The following SORCS2 variants were observed in gnomAD, a reference collection of about 807,000 sequenced individuals.
SORCS2 encodes the protein sortilin related VPS10 domain containing receptor 2.
Under a neutral mutation model 141.6 loss-of-function variants are expected in SORCS2, and 100 were observed. The ratio of observed to expected loss-of-function variants is 0.71; its 90% confidence interval spans 0.60 to 0.83. SORCS2 has a LOEUF of 0.83. Among genes scored for constraint, SORCS2 ranks in the 40% least tolerant of loss-of-function variants. SORCS2 has a pLI of 0.00. For missense variants in SORCS2, 1,646 were observed against 1,560.2 expected, an observed-to-expected ratio of 1.05 and a Z score of -0.93; for synonymous variants, 789 against 676.9, an observed-to-expected ratio of 1.17 and a Z score of -2.57.
At chr4:7,304,494 C>T (rs1431721624) in intron 1 of SORCS2, among the ~76,000 whole-genome samples, 2 of 152,230 alleles carry the variant, frequency 1.3e-5, no homozygotes, top group African/African-American at 4.8e-5. Flanking sequence ...CCCGTCCATC[C>T]AGTGTGTTTG....
At chr4:7,601,872 C>G (rs1683782166) in intron 3 of SORCS2, among the ~76,000 whole-genome samples, 1 of 152,112 alleles carries the variant, frequency 6.6e-6, no homozygotes, top group African/African-American at 2.4e-5. Flanking sequence ...GGTGATGACT[C>G]TTAACGAGCA....
At chr4:7,357,471 C>T (rs1057086733) in intron 1 of SORCS2, among the ~76,000 whole-genome samples, 10 of 152,302 alleles carry the variant, frequency 6.6e-5, no homozygotes, top group African/African-American at 2.2e-4. Flanking sequence ...TGCTGGAGCT[C>T]TGGAGATGGA....
Position 7,520,734 on chromosome 4 carries a change from C to T in SORCS2, c.549-10796C>T, listed in dbSNP as rs751955566. 3.2e-4 allele frequency among the ~76,000 whole-genome samples: 49 copies of T among 152,238 alleles called. 1 individual carries two copies. Among genetic ancestry groups the T allele is most frequent in the Non-Finnish European group, 5.4e-4 (37 of 68,032 alleles). On this transcript the variant is annotated intron_variant, in intron 2 of 26. Coordinates refer to ENST00000507866, the MANE Select transcript of SORCS2 (RefSeq NM_020777.3). The stretch of plus-strand genomic sequence containing the variant: ...TGCCTCTGTTGCCGCCAGCCCTCTC[C>T]GCCCACAGGGCACACTGCCAGGGCT...
chr4:7,488,102 G>T (rs10937826), intron 2 of SORCS2, among the ~76,000 whole-genome samples: 77,004 of 151,992 alleles, frequency 0.51, 19,546 homozygotes, highest in African/African-American at 0.55. Context: ...GGAGAGGTTC[G>T]GAAATTAAGG....
At chr4:7,652,280 C>T (rs1054903326) in intron 4 of SORCS2, among the ~76,000 whole-genome samples, 4 of 152,188 alleles carry the variant, frequency 2.6e-5, no homozygotes, top group African/African-American at 7.2e-5. Flanking sequence ...AGGGGAGCGG[C>T]TCTGGGCCTT....
chr4:7,649,312 A>C (rs1721282408), intron 4 of SORCS2, among the ~76,000 whole-genome samples: 1 of 110,330 alleles, frequency 9.1e-6, no homozygotes, highest in Non-Finnish European at 2.0e-5. Context: ...GGGGGCATGC[A>C]GGGAGTGAGC....
intron 1 of SORCS2, among the ~76,000 whole-genome samples, chr4:7,360,856 A>G (rs1392703122): frequency 6.6e-6 from 1 of 151,526 alleles, no homozygotes; most frequent in Non-Finnish European, 1.5e-5. Flanking sequence ...AAGTGCTGGG[A>G]TTACAGCCAC....
intron 1 of SORCS2, among the ~76,000 whole-genome samples, chr4:7,332,905 T>C (rs566749225): frequency 1.3e-5 from 2 of 152,332 alleles, no homozygotes; most frequent in South Asian, 2.1e-4. Context: ...TTACCAGATG[T>C]GGCCTTGGAC....
intron 1 of SORCS2, among the ~76,000 whole-genome samples, chr4:7,393,793 T>C (rs984700583): frequency 6.6e-6 from 1 of 152,218 alleles, no homozygotes; most frequent in Non-Finnish European, 1.5e-5. Context: ...ATTTCACGTT[T>C]GCTACTGAAT....
chr4:7,237,931 A>G (rs562645440), intron 1 of SORCS2, among the ~76,000 whole-genome samples: 1 of 152,254 alleles, frequency 6.6e-6, no homozygotes, highest in South Asian at 2.1e-4. Flanking sequence ...CTTCTAAATT[A>G]GAGAACTATC....
intron 2 of SORCS2, among the ~76,000 whole-genome samples, chr4:7,421,542 C>T (rs185691778): frequency 5.3e-5 from 8 of 152,296 alleles, no homozygotes; most frequent in African/African-American, 9.6e-5. Context: ...TCGTCATCGT[C>T]GTTCATGGTC....
At chr4:7,266,218 G>A (rs979914911) in intron 1 of SORCS2, among the ~76,000 whole-genome samples, 3 of 152,204 alleles carry the variant, frequency 2.0e-5, no homozygotes, top group African/African-American at 7.2e-5. Context: ...GGGCTGTGCA[G>A]GCCAGCGGGT....
At chr4:7,421,095 G>A (rs375660757) in intron 2 of SORCS2, among the ~76,000 whole-genome samples, 3 of 152,114 alleles carry the variant, frequency 2.0e-5, no homozygotes, top group African/African-American at 4.8e-5. Flanking sequence ...GGGCTGTTTC[G>A]CTCCATCCCT....
chr4:7,456,194 T>C (rs1043725857), intron 2 of SORCS2, among the ~76,000 whole-genome samples: 1 of 152,202 alleles, frequency 6.6e-6, no homozygotes, highest in African/African-American at 2.4e-5. Context: ...CCTTAGTTAC[T>C]TTAAATGTCC....
At chr4:7,217,284 C>T (rs558887096) in intron 1 of SORCS2, among the ~76,000 whole-genome samples, 263 of 152,346 alleles carry the variant, frequency 1.7e-3, no homozygotes, top group African/African-American at 6.0e-3. Flanking sequence ...GAGGACCCCG[C>T]AGCTTGCTGG....
At chr4:7,360,485 C>A (rs986033877) in intron 1 of SORCS2, among the ~76,000 whole-genome samples, 1 of 150,360 alleles carries the variant, frequency 6.7e-6, no homozygotes, top group African/African-American at 2.4e-5. Context: ...GAGGCTGTGG[C>A]TCTTGCTGCT....
intron 1 of SORCS2, among the ~76,000 whole-genome samples, chr4:7,343,324 G>T (rs1472042827): frequency 6.6e-6 from 1 of 152,214 alleles, no homozygotes; most frequent in Non-Finnish European, 1.5e-5. Flanking sequence ...GCTGGGTTTG[G>T]GTTCAGCTTC....
intron 3 of SORCS2, among the ~76,000 whole-genome samples, chr4:7,582,483 G>C (rs1716222911): frequency 6.6e-6 from 1 of 152,122 alleles, no homozygotes; most frequent in Admixed American, 6.6e-5. Flanking sequence ...CCGGAAAGGC[G>C]GCCGCCCCCT....
At chr4:7,381,259 G>A (rs1722979211) in intron 1 of SORCS2, among the ~76,000 whole-genome samples, 2 of 152,226 alleles carry the variant, frequency 1.3e-5, no homozygotes, top group Non-Finnish European at 1.5e-5. Context: ...TGGAGGGGAT[G>A]GCCGCTTTGA....
Sources: allele counts gnomAD v4.1 joint callset (sites outside exome capture counted in the v4.1 genomes callset), GRCh38; gene constraint gnomAD v4.1.1; transcripts MANE v1.5; gene names NCBI Gene and HGNC (gene_info 2026-07-23, HGNC 2026-07-21).